SPTBN1: variants seen among roughly 807,000 people sequenced by gnomAD.
The protein encoded by SPTBN1 is spectrin beta chain, non-erythrocytic 1.
SPTBN1 carries 32 observed loss-of-function variants against 266.4 expected under a neutral mutation model. That is an observed-to-expected ratio of 0.12 (90% CI 0.09 to 0.16). The LOEUF (loss-of-function observed/expected upper bound fraction) is 0.16, where lower values mean the gene tolerates loss of function less well. SPTBN1 is among the 10% of genes least tolerant of loss of function. The probability of loss-of-function intolerance (pLI) is 1.00; values close to 1 mark genes in which losing one functional copy is unlikely to be tolerated. For missense variants in SPTBN1, 2,296 were observed against 3,067.1 expected, an observed-to-expected ratio of 0.75 and a Z score of 5.94; for synonymous variants, 1,336 against 1,162.2, an observed-to-expected ratio of 1.15 and a Z score of -3.04.
chr2:54,524,434 A>G (rs150778362), intron 1 of SPTBN1, among the ~76,000 whole-genome samples: 126 of 152,134 alleles, frequency 8.3e-4, no homozygotes, highest in Admixed American at 2.1e-3. Flanking sequence ...CAGTTTCTCA[A>G]TGTCTCGGGT....
At chr2:54,518,723 C>T (rs748133372) in intron 1 of SPTBN1, among the ~76,000 whole-genome samples, 5 of 152,108 alleles carry the variant, frequency 3.3e-5, no homozygotes, top group South Asian at 2.1e-4. Context: ...TTTTCTTCCT[C>T]GAAAAGGACT....
At chr2:54,667,753 G>A in intron 35 of SPTBN1, 107 bp downstream of exon 35, 2 of 1,022,820 alleles carry the variant, frequency 2.0e-6, no homozygotes, top group Non-Finnish European at 3.0e-6. Flanking sequence ...GATCAGTGAT[G>A]GTTTCTATCA....
intron 1 of SPTBN1, among the ~76,000 whole-genome samples, chr2:54,461,168 T>C (rs1693348428): frequency 6.6e-6 from 1 of 152,220 alleles, no homozygotes; most frequent in South Asian, 2.1e-4. Flanking sequence ...TTTTAAAAAA[T>C]CTTGATTGTG....
At chr2:54,660,276 C>G in intron 32 of SPTBN1, 1 of 1,295,262 alleles carries the variant, frequency 7.7e-7, no homozygotes, top group Non-Finnish European at 9.8e-7. Context: ...AAGCAGCATA[C>G]TTATTTTTTG....
chr2:54,648,945 T>C, intron 24 of SPTBN1, 41 bp from the exon 25 acceptor site: 5 of 1,516,930 alleles, frequency 3.3e-6, no homozygotes, highest in Non-Finnish European at 4.5e-6. Flanking sequence ...AACTTGACAT[T>C]TAAGATCCTT....
At chr2:54,504,713 A>T (rs1669461292) in intron 1 of SPTBN1, among the ~76,000 whole-genome samples, 1 of 152,228 alleles carries the variant, frequency 6.6e-6, no homozygotes, top group South Asian at 2.1e-4. Context: ...TCCTGGAACC[A>T]ATTGCCCATG....
chr2:54,579,733 G>T (rs950231773), intron 2 of SPTBN1, among the ~76,000 whole-genome samples: 1 of 152,210 alleles, frequency 6.6e-6, no homozygotes, highest in Admixed American at 6.5e-5. Context: ...TAGGAGAATT[G>T]ATGAGAATGT....
At chr2:54,467,455 C>T (rs1338446132) in intron 1 of SPTBN1, among the ~76,000 whole-genome samples, 1 of 152,160 alleles carries the variant, frequency 6.6e-6, no homozygotes, top group Non-Finnish European at 1.5e-5. Context: ...AGTGCGATGG[C>T]GCGATCTCGG....
Position 54,487,832 on chromosome 2 carries a change from C to CTCTT in SPTBN1, c.-48+31315_-48+31316insCTTT, listed in dbSNP as rs1426296541. On this transcript the variant is annotated intron_variant, in intron 1 of 35. Transcript: ENST00000356805. The stretch of plus-strand genomic sequence containing the variant: ...TTCACTTGATGGTCTCCTCCTGTGT[C>CTCTT]TTTTTTTTTTTTTTTGAGACGGAGT... 1.5e-4 allele frequency among the ~76,000 whole-genome samples: 10 copies of CTCTT among 68,644 alleles called. 2 individuals carry two copies. The highest frequency in any genetic ancestry group is 7.7e-5 in the Non-Finnish European group (3 of 39,040). 45.0% of individuals were successfully genotyped at this position (68,644 alleles called of 152,430 possible). A position where few individuals can be genotyped will look rare whatever the true frequency, so the allele number is the denominator to read the frequency against.
chr2:54,491,320 A>C (rs1405395653), intron 1 of SPTBN1, among the ~76,000 whole-genome samples: 1 of 152,214 alleles, frequency 6.6e-6, no homozygotes, highest in Non-Finnish European at 1.5e-5. Flanking sequence ...ATTGAAGGTC[A>C]CATTTTCTCT....
chr2:54,620,379 G>T (rs1558435270), intron 7 of SPTBN1, among the ~76,000 whole-genome samples: 1 of 152,350 alleles, frequency 6.6e-6, no homozygotes, highest in East Asian at 1.9e-4. Context: ...TTGATGGATA[G>T]TAAGAAAGTT....
chr2:54,610,848 A>G (rs1677159754), intron 3 of SPTBN1, among the ~76,000 whole-genome samples: 1 of 152,214 alleles, frequency 6.6e-6, no homozygotes, highest in Non-Finnish European at 1.5e-5. Context: ...ACAGTATTGC[A>G]CTAGACACTG....
chr2:54,661,961 A>G (rs1681076440), intron 32 of SPTBN1: 16 of 985,324 alleles, frequency 1.6e-5, no homozygotes, highest in Admixed American at 6.1e-5. Flanking sequence ...GAGAAGAAAA[A>G]GTATTTTTAT....
At position 54,586,249 on chromosome 2, in the gene SPTBN1, G is replaced by A. The variant is rs146980862; in HGVS notation, c.149-12843G>A. On this transcript the variant is annotated intron_variant, in intron 2 of 35. Transcript: ENST00000356805. ...GTTTGGCACTCGAATTGAGACAGTC[G>A]TATTTAATTTATCAATCTGTCGTTT... Among the ~76,000 whole-genome samples the A allele has an allele frequency of 3.4e-3, 512 of 152,258 alleles. 1 individual carries two copies. The highest frequency in any genetic ancestry group is 0.012 in the African/African-American group (489 of 41,552).
chr2:54,660,207 A>G, intron 32 of SPTBN1: 1 of 1,433,212 alleles, frequency 7.0e-7, no homozygotes, highest in Non-Finnish European at 9.2e-7. Flanking sequence ...TTGGTTTCAT[A>G]TTTGTTTGCA....
At position 54,533,349 on chromosome 2, in the gene SPTBN1, A is replaced by AGTGTGT. The variant is rs56027497; in HGVS notation, c.148+6824_148+6829dup. Among the ~76,000 whole-genome samples, 1,143 of 141,952 alleles carry AGTGTGT rather than the reference A, an allele frequency of 8.1e-3. 8 individuals carry two copies. Among genetic ancestry groups the AGTGTGT allele is most frequent in the African/African-American group, 0.021 (777 of 37,794 alleles). The allele number at this position is 141,952 out of a possible 152,430, so 93.1% of individuals were successfully genotyped here. The stretch of plus-strand genomic sequence containing the variant: ...AGTGAAACCCAGGCTAAAGGGGACT[A>AGTGTGT]GTGTGTGTGTGTGTGTGTGTGTGTG... On this transcript the variant is annotated intron_variant, in intron 2 of 35. Transcript: ENST00000356805. This position sits in a 1 kb window ranked among gnomAD's most constrained non-coding sequence, Gnocchi z 4.2.
intron 2 of SPTBN1, among the ~76,000 whole-genome samples, chr2:54,576,811 T>G (rs534519644): frequency 1.3e-5 from 2 of 152,194 alleles, no homozygotes; most frequent in African/African-American, 4.8e-5. Context: ...ACAGCCACGG[T>G]CTCAAATTAC....
At chr2:54,662,234 G>A (rs1681097096) in intron 32 of SPTBN1, 3 of 985,446 alleles carry the variant, frequency 3.0e-6, no homozygotes, top group Non-Finnish European at 3.6e-6. Context: ...TGCTTTTGAT[G>A]TGTGTCTCTA....
At chr2:54,588,386 GTTTTCC>G (rs996614897) in intron 2 of SPTBN1, among the ~76,000 whole-genome samples, 1 of 152,124 alleles carries the variant, frequency 6.6e-6, no homozygotes, top group Non-Finnish European at 1.5e-5. Flanking sequence ...GTGATGTCTT[GTTTTCC>G]TCAGGCAGTG....
Sources: allele counts gnomAD v4.1 joint callset (sites outside exome capture counted in the v4.1 genomes callset), GRCh38; gene constraint gnomAD v4.1.1; non-coding constraint Gnocchi (gnomAD v3.1); transcripts MANE v1.5; gene names NCBI Gene and HGNC (gene_info 2026-07-23, HGNC 2026-07-21).